The following AXIN1 variants were observed in gnomAD, a reference collection of about 807,000 sequenced individuals.
AXIN1 encodes the protein axin-1.
Under a neutral mutation model 76.4 loss-of-function variants are expected in AXIN1, and 30 were observed. The ratio of observed to expected loss-of-function variants is 0.39; its 90% CI spans 0.29 to 0.53. The LOEUF (loss-of-function observed/expected upper bound fraction) is 0.53, where lower values mean the gene tolerates loss of function less well. Among genes scored for constraint, AXIN1 ranks in the 20% least tolerant of loss-of-function variants. The pLI is 0.66. For missense variants in AXIN1, 1,140 were observed against 1,198.8 expected, an observed-to-expected ratio of 0.95 and a Z score of 0.72; for synonymous variants, 545 against 501.4, an observed-to-expected ratio of 1.09 and a Z score of -1.16.
intron 9 of AXIN1, 54 bp from the exon 10 acceptor site, chr16:289,661 G>C: frequency 6.2e-7 from 1 of 1,603,698 alleles, no homozygotes; most frequent in Non-Finnish European, 8.5e-7. Flanking sequence ...GTCCCACAGG[G>C]TCCCTCCTGC....
intron 7 of AXIN1, among the ~76,000 whole-genome samples, chr16:294,007 C>T (rs894728431): frequency 6.6e-6 from 1 of 152,080 alleles, no homozygotes; most frequent in African/African-American, 2.4e-5. Flanking sequence ...AACCTCATCG[C>T]TACTAAATAT....
chr16:294,786 G>C (rs960048343), intron 7 of AXIN1, among the ~76,000 whole-genome samples: 2 of 144,318 alleles, frequency 1.4e-5, no homozygotes, highest in Non-Finnish European at 3.0e-5. Flanking sequence ...AAAAAGGCCA[G>C]GCGCGGTGGC....
intron 2 of AXIN1, among the ~76,000 whole-genome samples, chr16:326,371 A>AT (rs2053581866): frequency 7.1e-3 from 586 of 82,230 alleles, no homozygotes; most frequent in East Asian, 0.029. Context: ...AAAAAAAAAA[A>AT]AATATATATA....
chr16:298,787 G>C (rs1023564251), intron 5 of AXIN1, among the ~76,000 whole-genome samples: 1 of 151,966 alleles, frequency 6.6e-6, no homozygotes, highest in Non-Finnish European at 1.5e-5. Flanking sequence ...TATATTTTTT[G>C]AGACAGAGTC....
chr16:319,285 T>A (rs545400684), intron 2 of AXIN1, among the ~76,000 whole-genome samples: 6 of 152,070 alleles, frequency 3.9e-5, no homozygotes, highest in South Asian at 2.1e-4. Flanking sequence ...TAAGATATGA[T>A]CACGCCACTG....
rs566555647 is a variant in AXIN1 at position 345,511 on chromosome 16, T to C, written c.878+637A>G. Among the ~76,000 whole-genome samples, 211 of 152,258 alleles carry C rather than the reference T, an allele frequency of 1.4e-3. 1 individual carries two copies. Among genetic ancestry groups the C allele is most frequent in the Non-Finnish European group, 2.2e-3 (147 of 68,014 alleles). ...AGGCAGATCACCTGAGGTCGGGAGTTCGAGACCAGCCTGGCCAACATGGAG... is the reference window on the plus strand; with the variant it reads ...AGGCAGATCACCTGAGGTCGGGAGTCCGAGACCAGCCTGGCCAACATGGAG... On this transcript the variant is annotated intron_variant, in intron 2 of 10. Transcript: ENST00000262320.
intron 2 of AXIN1, among the ~76,000 whole-genome samples, chr16:320,993 C>G (rs745618635): frequency 4.1e-4 from 63 of 152,064 alleles, no homozygotes; most frequent in Non-Finnish European, 6.3e-4. Flanking sequence ...CCGCCTCGGC[C>G]TCCCAAAGTG....
At chr16:318,527 G>A (rs1274232134) in intron 2 of AXIN1, among the ~76,000 whole-genome samples, 1 of 152,212 alleles carries the variant, frequency 6.6e-6, no homozygotes, top group Non-Finnish European at 1.5e-5. Flanking sequence ...AGGCGGCCGG[G>A]CTTGGCCTTC....
At chr16:305,081 G>A (rs2052983446) in intron 4 of AXIN1, among the ~76,000 whole-genome samples, 1 of 152,230 alleles carries the variant, frequency 6.6e-6, no homozygotes, top group South Asian at 2.1e-4. Flanking sequence ...CCTGCAGAAG[G>A]TGTGAGCAGA....
At chr16:309,814 G>C (rs1178493965) in intron 4 of AXIN1, among the ~76,000 whole-genome samples, 159 bp downstream of exon 4, 1 of 152,244 alleles carries the variant, frequency 6.6e-6, no homozygotes, top group African/African-American at 2.4e-5. Context: ...TGCCCTCAGG[G>C]ACTGGCCACT....
At chr16:302,222 C>T (rs957013154) in intron 5 of AXIN1, among the ~76,000 whole-genome samples, 1 of 152,210 alleles carries the variant, frequency 6.6e-6, no homozygotes, top group African/African-American at 2.4e-5. Context: ...GCTAGGTTCC[C>T]GATATTGGAG....
intron 2 of AXIN1, among the ~76,000 whole-genome samples, chr16:317,665 C>G (rs2053335062): frequency 6.6e-6 from 1 of 152,238 alleles, no homozygotes; most frequent in Non-Finnish European, 1.5e-5. Flanking sequence ...CTCGTCTCCT[C>G]TCTGTACCTG....
intron 9 of AXIN1, chr16:290,935 G>C (rs572047455): frequency 1.8e-6 from 1 of 561,436 alleles, no homozygotes; most frequent in Non-Finnish European, 3.2e-6. Flanking sequence ...GCAGGGGCTG[G>C]CTGTGCCCAG....
chr16:314,924 G>A (rs763248775), intron 2 of AXIN1, among the ~76,000 whole-genome samples: 3 of 152,168 alleles, frequency 2.0e-5, no homozygotes, highest in African/African-American at 4.8e-5. Flanking sequence ...GATTTTAGGC[G>A]GGGGCTTTGG....
intron 5 of AXIN1, among the ~76,000 whole-genome samples, chr16:303,555 A>C (rs2052933116): frequency 6.6e-6 from 1 of 151,360 alleles, no homozygotes; most frequent in African/African-American, 2.4e-5. Context: ...TAATTTTTGT[A>C]TTTTTCATTA....
rs1324974629 is a variant in AXIN1, at chr16:288,106, C to T, written c.*16G>A. The T allele has an allele frequency of 3.7e-6, 6 of 1,612,896 alleles. No homozygotes were observed. The highest frequency in any genetic ancestry group is 4.2e-6 in the Non-Finnish European group (5 of 1,179,998). Reference sequence around the variant, plus strand: ...CCAAGGGCCTCGCCTGGCACAGCGGCCAGCCCACCAGCCTATCAGTCCACC... The same window carrying T: ...CCAAGGGCCTCGCCTGGCACAGCGGTCAGCCCACCAGCCTATCAGTCCACC... On this transcript the variant is annotated 3_prime_UTR_variant, in exon 11 of 11. Coordinates refer to ENST00000262320, the MANE Select transcript of AXIN1 (RefSeq NM_003502.4).
At position 304,203 on chromosome 16, in the gene AXIN1, G is replaced by A. The variant is rs79823478; in HGVS notation, c.1254+101C>T. The A allele has an allele frequency of 5.2e-5, 83 of 1,585,274 alleles. 1 individual carries two copies. Among genetic ancestry groups the A allele is most frequent in the Admixed American group, 3.4e-4 (20 of 59,682 alleles). ...GAGGCCTCATGGGTCAGCAGGCCTC[G>A]GCCAGCCCCGGGCATCCCCATGAAG... On this transcript the variant is annotated intron_variant, in intron 5 of 10. Coordinates refer to ENST00000262320, the MANE Select transcript of AXIN1 (RefSeq NM_003502.4).
At chr16:301,287 C>T (rs1264416696) in intron 5 of AXIN1, among the ~76,000 whole-genome samples, 1 of 120,806 alleles carries the variant, frequency 8.3e-6, no homozygotes, top group Non-Finnish European at 1.7e-5. Flanking sequence ...CAAAACAAAA[C>T]AAAGCAAAAA....
In AXIN1 at chr16:291,288, C is replaced by G. The variant is rs755355978; in HGVS notation, c.2196G>C (p.Gln732His). Reference protein sequence around the residue: ...SRAPSKQRYVQEVMRRGRACV... With the variant: ...SRAPSKQRYVHEVMRRGRACV... ...AGGCGCGTCCCCGCCGCATAACCTC[C>G]TGCACATACCTAGGGAACAACCCGC... The change falls in exon 9 of 11, where the codon CAG (glutamine) becomes CAC (histidine). Residue 732 changes from glutamine to histidine, a missense_variant. Physicochemically the swap from Gln to His is conservative, Grantham distance 24. Around this residue, in one of 3 missense-constraint regions of AXIN1, gnomAD observed 429 missense variants for 405.8 expected, o/e 1.06. Transcript: ENST00000262320. 1.9e-6 allele frequency: 3 copies of G among 1,577,890 alleles called. No homozygotes were observed. In the South Asian group the frequency reaches 3.5e-5, roughly 18 times the overall value.
Sources: allele counts gnomAD v4.1 joint callset (sites outside exome capture counted in the v4.1 genomes callset), GRCh38; gene constraint gnomAD v4.1.1; regional missense constraint gnomAD v4.1.1; transcripts MANE v1.5; gene names NCBI Gene and HGNC (gene_info 2026-07-23, HGNC 2026-07-21).